The following MICAL3 variants were observed in gnomAD, a reference collection of about 807,000 sequenced individuals.
MICAL3 encodes [F-actin]-monooxygenase MICAL3.
MICAL3 carries 62 observed loss-of-function variants against 207.4 expected under a neutral mutation model. The ratio of observed to expected loss-of-function variants is 0.30; its 90% CI spans 0.24 to 0.37. MICAL3 has a LOEUF of 0.37. Ranked by LOEUF, MICAL3 falls within the 10% of genes least tolerant of loss-of-function variation. The pLI is 1.00. For missense variants in MICAL3, 2,368 were observed against 2,635.6 expected (o/e 0.90, Z 2.22); for synonymous variants, 1,077 against 1,069.3 (o/e 1.01, Z -0.14).
chr22:17,799,548 C>G (rs886925668), intron 29 of MICAL3, among the ~76,000 whole-genome samples: 1 of 152,240 alleles, frequency 6.6e-6, no homozygotes, highest in Admixed American at 6.5e-5. Flanking sequence ...AGAAGGCACT[C>G]GGCTATTCTG....
At chr22:17,852,794 C>A (rs1925475259) in intron 19 of MICAL3, among the ~76,000 whole-genome samples, 1 of 152,102 alleles carries the variant, frequency 6.6e-6, no homozygotes, top group Non-Finnish European at 1.5e-5. Flanking sequence ...TTAATGAAGG[C>A]CGGGGCTTGG....
intron 7 of MICAL3, among the ~76,000 whole-genome samples, chr22:17,897,942 C>T (rs565678394): frequency 1.3e-5 from 2 of 152,254 alleles, no homozygotes; most frequent in South Asian, 2.1e-4. Flanking sequence ...GTGGGGCCTA[C>T]GGTTTCTAAG....
At position 17,789,793 on chromosome 22, in the gene MICAL3, A is replaced by C. The variant is rs897985011; in HGVS notation, c.*939T>G. On this transcript the variant is annotated 3_prime_UTR_variant, in exon 32 of 32. Coordinates refer to ENST00000441493, the MANE Select transcript of MICAL3 (RefSeq NM_015241.3). Reference sequence around the variant, plus strand: ...TTCCTCTAGTAAAGATACACAAACGAAGTTACTTCTTTTCAAGTATTAAAA... The same window carrying C: ...TTCCTCTAGTAAAGATACACAAACGCAGTTACTTCTTTTCAAGTATTAAAA... The C allele has an allele frequency of 2.0e-5, 3 of 152,256 alleles. No individual in the cohort carries two copies. Among genetic ancestry groups the C allele is most frequent in the African/African-American group, 4.8e-5 (2 of 41,470 alleles). 9.4% of individuals were successfully genotyped at this position (152,256 alleles called of 1,614,324 possible). A position where few individuals can be genotyped will look rare whatever the true frequency, so the allele number is the denominator to read the frequency against.
At chr22:17,895,443 G>A in intron 9 of MICAL3, 33 bp from the exon 10 acceptor site, 1 of 1,610,862 alleles carries the variant, frequency 6.2e-7, no homozygotes, top group African/African-American at 1.3e-5. Context: ...TCAGAATCGG[G>A]ACCAGCACCA....
rs1926933099 is a variant in MICAL3, at chr22:17,865,056, C to T, written c.2518-70G>A. The T allele has an allele frequency of 1.0e-5, 14 of 1,354,932 alleles. No homozygotes were observed. In the East Asian group the frequency reaches 3.5e-4, roughly 34 times the overall value. The allele number at this position is 1,354,932 out of a possible 1,614,324, so 83.9% of individuals were successfully genotyped here. On this transcript the variant is annotated intron_variant, in intron 18 of 31. Coordinates refer to ENST00000441493, the MANE Select transcript of MICAL3 (RefSeq NM_015241.3). Reference sequence around the variant, plus strand: ...ACTCAAATCCTCAAATCCCTAGAGGCACTGACAATCTGACACGCTGGTTTT... The same window carrying T: ...ACTCAAATCCTCAAATCCCTAGAGGTACTGACAATCTGACACGCTGGTTTT...
At chr22:17,834,200 T>C in intron 20 of MICAL3, 1 of 1,040,302 alleles carries the variant, frequency 9.6e-7, no homozygotes, top group African/African-American at 1.7e-5. Flanking sequence ...GTTGATTATT[T>C]GTGCTCTCTG....
intron 1 of MICAL3, among the ~76,000 whole-genome samples, chr22:17,979,610 T>G (rs545427023): frequency 6.6e-6 from 1 of 152,044 alleles, no homozygotes; most frequent in Admixed American, 6.5e-5. Context: ...AAGATTTCAT[T>G]AGAGGAATTC....
intron 13 of MICAL3, among the ~76,000 whole-genome samples, chr22:17,888,676 G>A (rs554099195): frequency 1.5e-4 from 23 of 152,110 alleles, no homozygotes; most frequent in Non-Finnish European, 2.8e-4. Flanking sequence ...ATTATAACCC[G>A]TTACAAAGTT....
At chr22:17,949,954 C>G (rs7293187) in intron 1 of MICAL3, among the ~76,000 whole-genome samples, 7,188 of 152,280 alleles carry the variant, frequency 0.047, 281 homozygotes, top group African/African-American at 0.1. Context: ...TGCTGCTGAC[C>G]AACAGGAGCT....
At chr22:17,993,252 T>C (rs888431383) in intron 1 of MICAL3, among the ~76,000 whole-genome samples, 6 of 25,510 alleles carry the variant, frequency 2.4e-4, no homozygotes, top group Admixed American at 9.3e-4. Context: ...CCCAGATGGC[T>C]TTTTTTTTTT....
chr22:17,820,893 TA>T (rs1243546884), intron 25 of MICAL3, among the ~76,000 whole-genome samples: 2 of 146,128 alleles, frequency 1.4e-5, no homozygotes, highest in Non-Finnish European at 3.0e-5. Context: ...TTTATAAACA[TA>T]AATTTTAATA....
At chr22:17,939,450 A>G (rs1933708003) in intron 1 of MICAL3, among the ~76,000 whole-genome samples, 1 of 152,212 alleles carries the variant, frequency 6.6e-6, no homozygotes, top group African/African-American at 2.4e-5. Context: ...CCCTCTCACA[A>G]AGGTGCTGCA....
intron 20 of MICAL3, among the ~76,000 whole-genome samples, chr22:17,837,721 T>C (rs1021696196): frequency 2.6e-5 from 4 of 152,226 alleles, no homozygotes; most frequent in Non-Finnish European, 4.4e-5. Context: ...TTGGGATTTA[T>C]AGGCGCTTGT....
intron 16 of MICAL3, among the ~76,000 whole-genome samples, chr22:17,877,081 TGGAGGTTATGGAGGTTAG>T (rs1189938402): frequency 8.1e-4 from 55 of 68,146 alleles, no homozygotes; most frequent in African/African-American, 1.5e-3. Context: ...AGGGAAGTTA[TGGAGGTTATGGAGGTTAG>T]GGAGGTTATG....
intron 27 of MICAL3, chr22:17,815,459 A>C (rs558188086): frequency 6.6e-6 from 1 of 152,242 alleles, no homozygotes; most frequent in African/African-American, 2.4e-5. Flanking sequence ...AGCACCCATC[A>C]CCAGTATTGG....
Position 17,788,305 on chromosome 22 carries a change from G to C in MICAL3, c.*2427C>G, listed in dbSNP as rs2061802121. The C allele has an allele frequency of 6.6e-6, 1 of 152,412 alleles. No individual in the cohort carries two copies. Among genetic ancestry groups the C allele is most frequent in the Admixed American group, 6.5e-5 (1 of 15,306 alleles). 9.4% of individuals were successfully genotyped at this position (152,412 alleles called of 1,614,324 possible). Reference sequence around the variant, plus strand: ...GCTCGGGTCCACCTTCCAGACTGCAGGCTGCCGTGTGTGCTGTGGAGGATG... The same window carrying C: ...GCTCGGGTCCACCTTCCAGACTGCACGCTGCCGTGTGTGCTGTGGAGGATG... On this transcript the variant is annotated 3_prime_UTR_variant, in exon 32 of 32. Transcript: ENST00000441493.
At chr22:17,994,276 C>T (rs1922028027) in intron 1 of MICAL3, among the ~76,000 whole-genome samples, 2 of 152,152 alleles carry the variant, frequency 1.3e-5, no homozygotes, top group South Asian at 2.1e-4. Flanking sequence ...GGACAGTCCA[C>T]GCTAAAGGGT....
At chr22:17,828,471 C>T (rs1480290585) in intron 21 of MICAL3, among the ~76,000 whole-genome samples, 2 of 152,206 alleles carry the variant, frequency 1.3e-5, no homozygotes, top group East Asian at 3.9e-4. Flanking sequence ...GGACACGGAT[C>T]CCAGTGGAGG....
In MICAL3 at chr22:17,817,462, G is replaced by A. The variant is rs770600202; in HGVS notation, c.5199C>T (p.Ala1733=). The stretch of plus-strand genomic sequence containing the variant: ...ACTTCCACAGGGACTTGGGTTTGGC[G>A]GCGGCTTCTTCTAGGAGGTTGGAGC... The part of the protein sequence containing the change: ...KPSSNLLEEA[A]AKPKSLWKSV... The change falls in exon 26 of 32, where the codon GCC becomes GCT. Residue 1733 remains alanine (A), a synonymous_variant. Coordinates refer to ENST00000441493, the MANE Select transcript of MICAL3 (RefSeq NM_015241.3). 1.4e-5 allele frequency: 23 copies of A among 1,613,648 alleles called. No homozygotes were observed. Among genetic ancestry groups the A allele is most frequent in the South Asian group, 1.2e-4 (11 of 91,090 alleles).
Sources: allele counts gnomAD v4.1 joint callset (sites outside exome capture counted in the v4.1 genomes callset), GRCh38; gene constraint gnomAD v4.1.1; transcripts MANE v1.5; gene names NCBI Gene and HGNC (gene_info 2026-07-23, HGNC 2026-07-21).